The following RAPGEF5 variants were observed in gnomAD, a reference collection of about 807,000 sequenced individuals.
RAPGEF5 encodes the protein Rap guanine nucleotide exchange factor 5, also known as M-Ras-regulated GEF.
In RAPGEF5, 65 loss-of-function variants were observed where a neutral mutation model predicts 125.2. The ratio of observed to expected loss-of-function variants is 0.52; its 90% CI spans 0.43 to 0.64. The LOEUF is 0.64. Among genes scored for constraint, RAPGEF5 ranks in the 30% least tolerant of loss-of-function variants. RAPGEF5 has a pLI of 0.00. For synonymous variants in RAPGEF5, 391 were observed against 385.9 expected, an observed-to-expected ratio of 1.01 and a Z score of -0.16; for missense variants, 958 against 1,048.1, an observed-to-expected ratio of 0.91 and a Z score of 1.19.
chr7:22,154,591 C>A lies in RAPGEF5; in HGVS notation c.1650G>T (p.Val550=). The A allele has an allele frequency of 6.2e-7, 1 of 1,613,296 alleles. No homozygotes were observed. The highest frequency in any genetic ancestry group is 8.5e-7 in the Non-Finnish European group (1 of 1,179,578). ...TGACATAGGAGTGCTCTGTTATATA[C>A]ACGTGGCAGAAAACTGCACAAGTGA... is the stretch of plus-strand genomic sequence containing the variant. ...VTETEEIFCH[V]YITEHSYVSV... Residue 550 remains valine, a synonymous_variant, in exon 17 of 26, where the codon GTG becomes GTT. Coordinates refer to ENST00000665637, the MANE Select transcript of RAPGEF5 (RefSeq NM_012294.5).
At chr7:22,290,651 A>G (rs992109490) in intron 6 of RAPGEF5, among the ~76,000 whole-genome samples, 22 of 148,214 alleles carry the variant, frequency 1.5e-4, no homozygotes, top group Admixed American at 2.0e-4. Context: ...AGGCTGAGGC[A>G]GGAGAATGGC....
At chr7:22,349,675 G>C (rs1784293476) in intron 1 of RAPGEF5, among the ~76,000 whole-genome samples, 2 of 152,180 alleles carry the variant, frequency 1.3e-5, no homozygotes, top group Admixed American at 1.3e-4. Flanking sequence ...GAAAGAGAAT[G>C]AGTTGTGCTT....
Position 22,162,419 on chromosome 7 carries a change from T to G in RAPGEF5, c.1406A>C (p.Glu469Ala). The stretch of plus-strand genomic sequence containing the variant: ...TACCTTTAAAAACATTTTTGAATGT[T>G]CATCTTCAGGTAACCAGTCTTTGTA... ...ALYKDWLPEDEHSKMFLKTIY... is the reference protein window; with the variant it reads ...ALYKDWLPEDAHSKMFLKTIY... The change falls in exon 13 of 26, where the codon GAA (glutamate) becomes GCA (alanine). Residue 469 changes from glutamate to alanine, a missense_variant. Glu to Ala is a moderately radical substitution (Grantham distance 107). Coordinates refer to ENST00000665637, the MANE Select transcript of RAPGEF5 (RefSeq NM_012294.5). 6.3e-7 allele frequency: 1 copy of G among 1,592,012 alleles called. No homozygotes were observed. Among genetic ancestry groups the G allele is most frequent in the Non-Finnish European group, 8.6e-7 (1 of 1,160,938 alleles).
At position 22,180,169 on chromosome 7, in the gene RAPGEF5, A is replaced by T. The variant is rs73683319; in HGVS notation, c.1205-13021T>A. ...TATTTCTTTGAAGAAACAAATACAT[A>T]ATTATGGTATTGGGTCTACAATATC... On this transcript the variant is annotated intron_variant, in intron 11 of 25. Coordinates refer to ENST00000665637, the MANE Select transcript of RAPGEF5 (RefSeq NM_012294.5). Among the ~76,000 whole-genome samples the T allele has an allele frequency of 2.6e-3, 401 of 152,300 alleles. 1 individual carries two copies. The highest frequency in any genetic ancestry group is 9.3e-3 in the African/African-American group (387 of 41,566).
chr7:22,329,234 A>C (rs1357821060), intron 1 of RAPGEF5, among the ~76,000 whole-genome samples: 1 of 152,232 alleles, frequency 6.6e-6, no homozygotes, highest in Admixed American at 6.5e-5. Flanking sequence ...TATTCAGCTA[A>C]GCTAGAGTAA....
intron 1 of RAPGEF5, among the ~76,000 whole-genome samples, chr7:22,346,830 A>T (rs892639563): frequency 6.6e-6 from 1 of 152,220 alleles, no homozygotes; most frequent in Non-Finnish European, 1.5e-5. Flanking sequence ...CAGATAATAC[A>T]AACAGTACAA....
intron 24 of RAPGEF5, 130 bp from the exon 25 acceptor site, chr7:22,125,788 G>A (rs1006163836): frequency 2.4e-6 from 2 of 821,524 alleles, no homozygotes; most frequent in East Asian, 2.5e-5. Context: ...TGTATTTGGA[G>A]CTGGATGTAG....
intron 1 of RAPGEF5, among the ~76,000 whole-genome samples, chr7:22,346,394 A>AT (rs930392436): frequency 2.1e-4 from 32 of 152,116 alleles, no homozygotes; most frequent in Non-Finnish European, 3.2e-4. Context: ...CGTAAAAAAA[A>AT]TTTTTTTGCA....
intron 9 of RAPGEF5, among the ~76,000 whole-genome samples, chr7:22,211,071 GTCTGTTATGT>G (rs1488631417): frequency 6.6e-6 from 1 of 152,078 alleles, no homozygotes; most frequent in Non-Finnish European, 1.5e-5. Flanking sequence ...CTTGCCCACA[GTCTGTTATGT>G]TCTGTTATGA....
intron 1 of RAPGEF5, among the ~76,000 whole-genome samples, chr7:22,349,623 T>C (rs1784292836): frequency 6.6e-6 from 1 of 152,088 alleles, no homozygotes; most frequent in Admixed American, 6.6e-5. Flanking sequence ...TCAATAAAAA[T>C]AAATAAATGA....
At chr7:22,294,117 TGA>T (rs71026872) in intron 5 of RAPGEF5, among the ~76,000 whole-genome samples, 6 of 150,810 alleles carry the variant, frequency 4.0e-5, no homozygotes, top group East Asian at 1.9e-4. Flanking sequence ...TGCTCGTGAA[TGA>T]GAGAGAGAGA....
chr7:22,325,547 T>A (rs1344739782), intron 1 of RAPGEF5, among the ~76,000 whole-genome samples: 1 of 152,142 alleles, frequency 6.6e-6, no homozygotes, highest in Non-Finnish European at 1.5e-5. Context: ...AGGGAGTAGA[T>A]ATGACTCTAT....
chr7:22,331,696 G>C (rs941397903), intron 1 of RAPGEF5, among the ~76,000 whole-genome samples: 3 of 141,606 alleles, frequency 2.1e-5, no homozygotes, highest in Non-Finnish European at 3.0e-5. Context: ...AGTGAGTGGA[G>C]ATCGCACCAT....
intron 7 of RAPGEF5, among the ~76,000 whole-genome samples, chr7:22,260,265 A>G (rs1782117709): frequency 6.6e-6 from 1 of 152,178 alleles, no homozygotes; most frequent in Non-Finnish European, 1.5e-5. Context: ...AGTGAGCCCT[A>G]AACTATGGAC....
chr7:22,181,757 G>T (rs1050749097), intron 11 of RAPGEF5, among the ~76,000 whole-genome samples: 3 of 152,252 alleles, frequency 2.0e-5, no homozygotes, highest in African/African-American at 2.4e-5. Context: ...CAAAAAAGCT[G>T]CAAACTGAAT....
At chr7:22,353,150 T>C (rs193218914) in intron 1 of RAPGEF5, among the ~76,000 whole-genome samples, 169 of 152,296 alleles carry the variant, frequency 1.1e-3, no homozygotes, top group African/African-American at 3.9e-3. Flanking sequence ...AAGCTAAACA[T>C]CACCACAAGG....
At chr7:22,163,692 G>A (rs894984800) in intron 12 of RAPGEF5, among the ~76,000 whole-genome samples, 25 of 152,226 alleles carry the variant, frequency 1.6e-4, no homozygotes, top group Non-Finnish European at 1.8e-4. Context: ...ACAGCAGCTT[G>A]GCATATTCTA....
chr7:22,252,015 C>T (rs1248310546), intron 7 of RAPGEF5, among the ~76,000 whole-genome samples: 6 of 152,046 alleles, frequency 3.9e-5, no homozygotes, highest in Admixed American at 3.9e-4. Flanking sequence ...CTAGTTTCCT[C>T]ACAAAAAACA....
chr7:22,180,252 T>G (rs1784634435), intron 11 of RAPGEF5, among the ~76,000 whole-genome samples: 2 of 152,210 alleles, frequency 1.3e-5, no homozygotes, highest in African/African-American at 4.8e-5. Flanking sequence ...GCCCCTTTTT[T>G]GGGAATCAAA....
Sources: allele counts gnomAD v4.1 joint callset (sites outside exome capture counted in the v4.1 genomes callset), GRCh38; gene constraint gnomAD v4.1.1; transcripts MANE v1.5; gene names NCBI Gene and HGNC (gene_info 2026-07-23, HGNC 2026-07-21).